The following DYRK4 variants were observed in gnomAD, a reference collection of about 807,000 sequenced individuals.
DYRK4 encodes the protein dual specificity tyrosine-phosphorylation-regulated kinase 4.
DYRK4 carries 64 observed loss-of-function variants against 68.3 expected under a neutral mutation model. The observed-to-expected ratio is 0.94, with a 90% CI of 0.77 to 1.15. DYRK4 has a LOEUF of 1.15. DYRK4 is among the 50% of genes most tolerant of loss of function. The probability of loss-of-function intolerance (pLI) is 0.00; values close to 1 mark genes in which losing one functional copy is unlikely to be tolerated. For missense variants in DYRK4, 740 were observed against 764.7 expected (o/e 0.97, Z 0.38); for synonymous variants, 274 against 289.9 (o/e 0.95, Z 0.56).
chr12:4,597,361 A>G (rs1200223836), intron 8 of DYRK4, among the ~76,000 whole-genome samples: 2 of 152,236 alleles, frequency 1.3e-5, no homozygotes, highest in South Asian at 2.1e-4. Flanking sequence ...GAGCTCTCAG[A>G]GTGTTACTGG....
chr12:4,602,389 G>A (rs1386194163), intron 10 of DYRK4: 3 of 912,856 alleles, frequency 3.3e-6, no homozygotes, highest in South Asian at 1.3e-5. Context: ...AGTTCTTTCT[G>A]TCAAGGGGAA....
chr12:4,601,873 GGTTTGT>G, intron 10 of DYRK4: 1 of 75,186 alleles, frequency 1.3e-5, no homozygotes, highest in South Asian at 4.8e-4. Flanking sequence ...CAGTCTGTAG[GGTTTGT>G]GTGTGTGTGT....
At chr12:4,566,334 G>A (rs916093072) in intron 1 of DYRK4, among the ~76,000 whole-genome samples, 3 of 152,108 alleles carry the variant, frequency 2.0e-5, no homozygotes, top group Non-Finnish European at 4.4e-5. Flanking sequence ...TACCTCCCTG[G>A]CCCTCCATCG....
intron 2 of DYRK4, among the ~76,000 whole-genome samples, chr12:4,579,141 G>A (rs1434781445): frequency 6.6e-6 from 1 of 152,050 alleles, no homozygotes; most frequent in Non-Finnish European, 1.5e-5. Flanking sequence ...TGAGCGTGGT[G>A]GCGTGCCCTG....
In DYRK4 at chr12:4,593,023, ACC is replaced by A; in HGVS notation, c.486_487del (p.Asn162LysfsTer6). The A allele has an allele frequency of 7.4e-6, 12 of 1,613,990 alleles. No homozygotes were observed. The highest frequency in any genetic ancestry group is 1.0e-5 in the Non-Finnish European group (12 of 1,179,940). ...ACAGAGGCCCTAAAGCTTTTTAAGAACCAGCTGTCTCCATATGAACAAAGTGA... is the reference window on the plus strand; with the variant it reads ...ACAGAGGCCCTAAAGCTTTTTAAGAAAGCTGTCTCCATATGAACAAAGTGA... On this transcript the variant is annotated frameshift_variant, in exon 6 of 15. Transcript: ENST00000543431. LOFTEE classifies it high-confidence loss of function.
chr12:4,576,954 TTC>T (rs1944795786), intron 2 of DYRK4, among the ~76,000 whole-genome samples: 1 of 152,234 alleles, frequency 6.6e-6, no homozygotes. Context: ...AGTCTATGGT[TTC>T]TCTTTTCGTT....
At chr12:4,606,613 T>C (rs1175083584) in intron 11 of DYRK4, among the ~76,000 whole-genome samples, 2 of 152,108 alleles carry the variant, frequency 1.3e-5, no homozygotes, top group South Asian at 4.2e-4. Flanking sequence ...GCTTCTAAGG[T>C]TGATAATGAA....
intron 10 of DYRK4, 144 bp downstream of exon 10, chr12:4,599,932 C>A: frequency 1.5e-6 from 1 of 651,000 alleles, no homozygotes; most frequent in Non-Finnish European, 2.7e-6. Context: ...CTTCTCTGAG[C>A]CCAAGTTGCC....
At position 4,610,186 on chromosome 12, in the gene DYRK4, C is replaced by CA. The variant is rs1328992538; in HGVS notation, c.1394dup (p.Asn465LysfsTer21). Reference sequence around the variant, plus strand: ...AAGGTTTTCCTAAAAATATAACCAACAACAGGGGGAAAAAAAGATACCCAG... The same window carrying CA: ...AAGGTTTTCCTAAAAATATAACCAACAAACAGGGGGAAAAAAAGATACCCAG... On this transcript the variant is annotated frameshift_variant, in exon 13 of 15. Coordinates refer to ENST00000543431, the MANE Select transcript of DYRK4 (RefSeq NM_001394779.1). LOFTEE classifies it high-confidence loss of function. The CA allele has an allele frequency of 1.2e-6, 2 of 1,602,650 alleles. No individual in the cohort carries two copies.
rs1944925355 is a variant in DYRK4 at position 4,588,979 on chromosome 12, A to G, written c.175A>G (p.Asn59Asp). The G allele has an allele frequency of 2.0e-6, 3 of 1,536,036 alleles. No homozygotes were observed. Among genetic ancestry groups the G allele is most frequent in the South Asian group, 2.4e-5 (2 of 84,066 alleles). Residue 59 changes from asparagine (N) to aspartate (D), a missense_variant, in exon 3 of 15, where the codon AAT (asparagine) becomes GAT (aspartate). Asn to Asp is a conservative substitution (Grantham distance 23). This residue lies in a region of DYRK4 where 70 missense variants were observed against 71.1 expected (regional missense o/e 0.98). Coordinates refer to ENST00000543431, the MANE Select transcript of DYRK4 (RefSeq NM_001394779.1). Reference protein sequence around the residue: ...LSVQIQKPPSNIKNSRMTQVF... With the variant: ...LSVQIQKPPSDIKNSRMTQVF... Reference sequence around the variant, plus strand: ...GGTTCAGATCCAGAAGCCACCTTCCAATATCAAGAACTCCAGAATGACCCA... The same window carrying G: ...GGTTCAGATCCAGAAGCCACCTTCCGATATCAAGAACTCCAGAATGACCCA...
rs909081992 is a variant in DYRK4, at chr12:4,612,837, C to A, written c.1666+119C>A. 1.3e-5 allele frequency: 15 copies of A among 1,141,258 alleles called. No individual in the cohort carries two copies. In the Admixed American group the frequency reaches 1.3e-4, roughly 10 times the overall value. The allele number at this position is 1,141,258 out of a possible 1,614,324, so 70.7% of individuals were successfully genotyped here. On this transcript the variant is annotated intron_variant, in intron 14 of 14. Coordinates refer to ENST00000543431, the MANE Select transcript of DYRK4 (RefSeq NM_001394779.1). ...AGTTCTGTAGTCTGGAAATTAAAAT[C>A]TTTGTTTTTAATATTCTGTTTAATA...
At chr12:4,611,689 A>G (rs1372314988) in intron 13 of DYRK4, among the ~76,000 whole-genome samples, 1 of 152,194 alleles carries the variant, frequency 6.6e-6, no homozygotes, top group Non-Finnish European at 1.5e-5. Context: ...GAATGTTAAT[A>G]CTGTCTCCCT....
At chr12:4,599,649 A>C in intron 9 of DYRK4, 58 bp from the exon 10 acceptor site, 1 of 1,335,816 alleles carries the variant, frequency 7.5e-7, no homozygotes, top group Non-Finnish European at 1.1e-6. Context: ...CATTTAGGTA[A>C]GTAGAGGGCC....
Position 4,592,882 on chromosome 12 carries a change from A to G in DYRK4, c.464-120A>G, listed in dbSNP as rs1347198122. ...GATGCCAGATGCAGGGTCCTCAGTG[A>G]GCCACCCAGCTGGGGAACAGGCTGA... On this transcript the variant is annotated intron_variant, in intron 5 of 14. Transcript: ENST00000543431. The G allele has an allele frequency of 2.4e-6, 3 of 1,241,626 alleles. No individual in the cohort carries two copies. In the African/African-American group the frequency reaches 4.6e-5, roughly 19 times the overall value. The allele number at this position is 1,241,626 out of a possible 1,614,324, so 76.9% of individuals were successfully genotyped here. A position where few individuals can be genotyped will look rare whatever the true frequency, so the allele number is the denominator to read the frequency against.
intron 2 of DYRK4, among the ~76,000 whole-genome samples, chr12:4,581,596 C>A (rs868131939): frequency 6.6e-6 from 1 of 152,074 alleles, no homozygotes; most frequent in Non-Finnish European, 1.5e-5. Context: ...CCACTAAGAA[C>A]GAGGAATGAG....
intron 2 of DYRK4, among the ~76,000 whole-genome samples, chr12:4,583,101 C>G (rs1198350471): frequency 1.3e-5 from 2 of 152,112 alleles, no homozygotes; most frequent in Non-Finnish European, 2.9e-5. Context: ...ATGCCACTCA[C>G]AGTAAGAAAT....
chr12:4,613,506 C>G lies in DYRK4; in HGVS notation c.1667-9C>G. On this transcript the variant is annotated splice_polypyrimidine_tract_variant and intron_variant, in intron 14 of 14. Transcript: ENST00000543431. This position sits in a 1 kb window ranked among gnomAD's most constrained non-coding sequence, Gnocchi z 4.0. ...CTTGTTCCCTTCTGTCTTCTCTCTC[C>G]TTTAGCAGATGAGATCACCAAAGAG... 1 of 1,607,842 alleles carries G rather than the reference C, an allele frequency of 6.2e-7. No individual in the cohort carries two copies. The highest frequency in any genetic ancestry group is 8.5e-7 in the Non-Finnish European group (1 of 1,175,100).
rs1945020874 is a variant in DYRK4, at chr12:4,596,584, CT to C, written c.765-3del. On this transcript the variant is annotated splice_region_variant and splice_polypyrimidine_tract_variant and intron_variant, in intron 7 of 14. Transcript: ENST00000543431. ...CACCCTGCCGGCCACTCCCAATCAC[CT>C]TAGGTTTCACCAGCAGGCCCTGATG... The C allele has an allele frequency of 6.2e-7, 1 of 1,613,136 alleles. No homozygotes were observed. The highest frequency in any genetic ancestry group is 8.5e-7 in the Non-Finnish European group (1 of 1,179,830).
At chr12:4,607,104 G>T (rs1221767449) in intron 11 of DYRK4, among the ~76,000 whole-genome samples, 3 of 152,198 alleles carry the variant, frequency 2.0e-5, no homozygotes, top group Non-Finnish European at 4.4e-5. Context: ...TGTTTGTGTA[G>T]AATAACATGG....
Sources: allele counts gnomAD v4.1 joint callset (sites outside exome capture counted in the v4.1 genomes callset), GRCh38; gene constraint gnomAD v4.1.1; regional missense constraint gnomAD v4.1.1; non-coding constraint Gnocchi (gnomAD v3.1); transcripts MANE v1.5; gene names NCBI Gene and HGNC (gene_info 2026-07-23, HGNC 2026-07-21).